ADCY1: variants seen among roughly 807,000 people sequenced by gnomAD.
ADCY1 encodes the protein adenylate cyclase type 1.
ADCY1 carries 28 observed loss-of-function variants against 105.4 expected under a neutral mutation model. That is an observed-to-expected ratio of 0.27 (90% CI 0.20 to 0.36). ADCY1 has a LOEUF of 0.36. Ranked by LOEUF, ADCY1 falls within the 10% of genes least tolerant of loss-of-function variation. The pLI, the probability that ADCY1 is intolerant of heterozygous loss-of-function variation, is 1.00. For synonymous variants in ADCY1, 655 were observed against 623.8 expected (o/e 1.05, Z -0.75); for missense variants, 977 against 1,434.2 (o/e 0.68, Z 5.15).
intron 11 of ADCY1, among the ~76,000 whole-genome samples, chr7:45,682,451 C>CT: frequency 6.6e-6 from 1 of 152,232 alleles, no homozygotes; most frequent in East Asian, 1.9e-4. Context: ...AGGAGGTGTG[C>CT]ACTGGCTGGA....
chr7:45,621,960 A>G (rs1162921820), intron 3 of ADCY1, among the ~76,000 whole-genome samples: 1 of 152,218 alleles, frequency 6.6e-6, no homozygotes, highest in East Asian at 1.9e-4. Flanking sequence ...ATCTTTTTAA[A>G]GTCTTATTAT....
intron 14 of ADCY1, among the ~76,000 whole-genome samples, chr7:45,698,283 C>G (rs79415722): frequency 6.6e-6 from 1 of 152,302 alleles, no homozygotes; most frequent in African/African-American, 2.4e-5. Flanking sequence ...AAGGCTTATT[C>G]TCTCATTTTC....
At chr7:45,632,212 G>A (rs923945888) in intron 4 of ADCY1, among the ~76,000 whole-genome samples, 9 of 152,186 alleles carry the variant, frequency 5.9e-5, no homozygotes, top group Admixed American at 1.3e-4. Context: ...ACACACCCTG[G>A]CCCTGTAGTT....
chr7:45,625,929 T>C (rs1181426752), intron 4 of ADCY1, among the ~76,000 whole-genome samples: 2 of 152,228 alleles, frequency 1.3e-5, no homozygotes, highest in Non-Finnish European at 2.9e-5. Flanking sequence ...TGCACTCTGC[T>C]ATTTGCTTCT....
intron 2 of ADCY1, among the ~76,000 whole-genome samples, chr7:45,595,049 C>T (rs989221859): frequency 1.1e-4 from 16 of 152,196 alleles, no homozygotes; most frequent in Admixed American, 7.2e-4. Context: ...CATTTAGATA[C>T]CACGTTCTAA....
chr7:45,605,002 C>T (rs1793336023), intron 2 of ADCY1, among the ~76,000 whole-genome samples: 1 of 152,126 alleles, frequency 6.6e-6, no homozygotes, highest in African/African-American at 2.4e-5. Flanking sequence ...TCTCTTTAAT[C>T]AGTCTTTTAT....
intron 4 of ADCY1, among the ~76,000 whole-genome samples, chr7:45,646,712 C>T (rs1208204589): frequency 6.6e-6 from 1 of 152,234 alleles, no homozygotes; most frequent in Non-Finnish European, 1.5e-5. Flanking sequence ...AGCTGCAGCT[C>T]AGCCTGCTGG....
chr7:45,587,521 G>A (rs1792767297), intron 1 of ADCY1, among the ~76,000 whole-genome samples: 1 of 152,194 alleles, frequency 6.6e-6, no homozygotes, highest in African/African-American at 2.4e-5. Flanking sequence ...AACGTCAGAG[G>A]ACTTGCAGGT....
At chr7:45,683,770 G>A (rs1377832245) in intron 11 of ADCY1, among the ~76,000 whole-genome samples, 1 of 152,202 alleles carries the variant, frequency 6.6e-6, no homozygotes, top group Non-Finnish European at 1.5e-5. Flanking sequence ...TGGCCCACAG[G>A]TAGGGGTTCA....
chr7:45,623,753 G>A (rs915039950), intron 4 of ADCY1, among the ~76,000 whole-genome samples: 1 of 152,192 alleles, frequency 6.6e-6, no homozygotes, highest in African/African-American at 2.4e-5. Context: ...GGAAGGGTCG[G>A]CTTCTGCAGA....
intron 3 of ADCY1, among the ~76,000 whole-genome samples, chr7:45,614,399 G>A (rs1435391503): frequency 6.6e-6 from 1 of 151,816 alleles, no homozygotes; most frequent in Non-Finnish European, 1.5e-5. Context: ...ACTACACAAA[G>A]GAGAAAGAAA....
At chr7:45,603,533 A>C (rs1247894169) in intron 2 of ADCY1, among the ~76,000 whole-genome samples, 1 of 152,238 alleles carries the variant, frequency 6.6e-6, no homozygotes, top group Non-Finnish European at 1.5e-5. Context: ...TATAAGAAAT[A>C]ACACAGAGAG....
intron 8 of ADCY1, among the ~76,000 whole-genome samples, chr7:45,667,973 G>C (rs1191891414): frequency 6.6e-6 from 1 of 152,176 alleles, no homozygotes; most frequent in African/African-American, 2.4e-5. Flanking sequence ...TTTGCACATT[G>C]ATTTTGTATC....
Position 45,720,778 on chromosome 7 carries a change from TAAAGG to T in ADCY1, c.*6787_*6791del, listed in dbSNP as rs1785458279. ...ATGGGTCTTTTGCCGTGACCACAAATAAAGGAAACACTCATCACTAGTATCTAAGT... is the reference window on the plus strand; with the variant it reads ...ATGGGTCTTTTGCCGTGACCACAAATAAACACTCATCACTAGTATCTAAGT... On this transcript the variant is annotated 3_prime_UTR_variant, in exon 20 of 20. Transcript: ENST00000297323. 1 of 152,162 alleles carries T rather than the reference TAAAGG, an allele frequency of 6.6e-6. No individual in the cohort carries two copies. The highest frequency in any genetic ancestry group is 1.5e-5 in the Non-Finnish European group (1 of 68,044). The allele number at this position is 152,162 out of a possible 1,614,324, so 9.4% of individuals were successfully genotyped here.
intron 8 of ADCY1, among the ~76,000 whole-genome samples, chr7:45,672,438 A>G (rs1466379903): frequency 6.8e-6 from 1 of 146,272 alleles, no homozygotes; most frequent in Non-Finnish European, 1.5e-5. Flanking sequence ...TTCTGTTTGC[A>G]TGAACGTGGT....
intron 7 of ADCY1, among the ~76,000 whole-genome samples, chr7:45,661,158 C>T (rs1470645043): frequency 6.6e-6 from 1 of 152,124 alleles, no homozygotes; most frequent in African/African-American, 2.4e-5. Context: ...GGCTCTGTCA[C>T]ATTGACATAG....
intron 8 of ADCY1, among the ~76,000 whole-genome samples, chr7:45,669,635 T>A (rs565836234): frequency 1.3e-5 from 2 of 152,098 alleles, no homozygotes; most frequent in Non-Finnish European, 2.9e-5. Context: ...TTCTGCGTAT[T>A]TTCTTCTCTG....
chr7:45,602,441 A>G (rs940307655), intron 2 of ADCY1, among the ~76,000 whole-genome samples: 1 of 152,116 alleles, frequency 6.6e-6, no homozygotes, highest in Non-Finnish European at 1.5e-5. Context: ...CCCCTCCCAG[A>G]GCCCTGGCTG....
At chr7:45,657,916 G>GGGGGGC in intron 6 of ADCY1, 31 bp downstream of exon 6, 5 of 502,914 alleles carry the variant, frequency 9.9e-6, no homozygotes, top group Non-Finnish European at 2.0e-5. Flanking sequence ...GGAGGGGAGG[G>GGGGGGC]AGGTGGGTGA....
Sources: allele counts gnomAD v4.1 joint callset (sites outside exome capture counted in the v4.1 genomes callset), GRCh38; gene constraint gnomAD v4.1.1; transcripts MANE v1.5; gene names NCBI Gene and HGNC (gene_info 2026-07-23, HGNC 2026-07-21).